The following NPHP4 variants were observed in gnomAD, a reference collection of about 807,000 sequenced individuals.
The protein encoded by NPHP4 is nephrocystin 4, also known as nephrocystin-4.
NPHP4 carries 151 observed loss-of-function variants against 155.8 expected under a neutral mutation model. The observed-to-expected ratio is 0.97, with a 90% CI of 0.85 to 1.11. The LOEUF (loss-of-function observed/expected upper bound fraction) is 1.11, where lower values mean the gene tolerates loss of function less well. Ranked by LOEUF, NPHP4 falls within the 50% of genes least tolerant of loss-of-function variation. The pLI, the probability that NPHP4 is intolerant of heterozygous loss-of-function variation, is 0.00. For missense variants in NPHP4, 1,956 were observed against 1,925.7 expected (o/e 1.02, Z -0.29); for synonymous variants, 845 against 816.8 (o/e 1.03, Z -0.59).
intron 18 of NPHP4, among the ~76,000 whole-genome samples, chr1:5,884,936 A>G (rs1643649152): frequency 6.9e-6 from 1 of 145,954 alleles, no homozygotes; most frequent in African/African-American, 2.6e-5. Context: ...TCGACAACCA[A>G]GATCACTGCC....
At chr1:5,878,215 C>T (rs553613427) in intron 19 of NPHP4, among the ~76,000 whole-genome samples, 1 of 152,332 alleles carries the variant, frequency 6.6e-6, no homozygotes, top group African/African-American at 2.4e-5. Context: ...GGCATGGGCA[C>T]CCCCTGCAGA....
intron 2 of NPHP4, among the ~76,000 whole-genome samples, chr1:5,985,515 CAGGCTGAA>C (rs926973883): frequency 6.6e-6 from 1 of 152,266 alleles, no homozygotes; most frequent in Non-Finnish European, 1.5e-5. Context: ...TCCTCACTGC[CAGGCTGAA>C]AGCGGGCCAT....
intron 9 of NPHP4, among the ~76,000 whole-genome samples, chr1:5,935,217 A>G (rs1433849980): frequency 1.3e-5 from 2 of 152,214 alleles, no homozygotes; most frequent in Non-Finnish European, 2.9e-5. Context: ...CTTGTTTCAC[A>G]TTAATCTCTT....
intron 26 of NPHP4, 91 bp from the exon 27 acceptor site, chr1:5,865,364 G>T: frequency 8.4e-7 from 1 of 1,197,172 alleles, no homozygotes; most frequent in Non-Finnish European, 1.1e-6. Flanking sequence ...AGCGTGGGCA[G>T]ACAGGAGGCT....
At chr1:5,885,609 C>T (rs1228116805) in intron 18 of NPHP4, among the ~76,000 whole-genome samples, 3 of 152,260 alleles carry the variant, frequency 2.0e-5, no homozygotes, top group Non-Finnish European at 4.4e-5. Context: ...ATGTCCCCAG[C>T]CATGGCACAG....
At chr1:5,872,240 A>C (rs549164762) in intron 23 of NPHP4, among the ~76,000 whole-genome samples, 1 of 152,354 alleles carries the variant, frequency 6.6e-6, no homozygotes, top group African/African-American at 2.4e-5. Context: ...ATTGGCACAG[A>C]AACCTCGACC....
rs546994949 is a variant in NPHP4 at position 5,893,405 on chromosome 1, C to T, written c.2144-2377G>A. Reference sequence around the variant, plus strand: ...TCATCTCCAATGATAGGTAAGGTCACGCGGGTCACGTGTCCACTGGACAGG... The same window carrying T: ...TCATCTCCAATGATAGGTAAGGTCATGCGGGTCACGTGTCCACTGGACAGG... On this transcript the variant is annotated intron_variant, in intron 16 of 29. Transcript: ENST00000378156. 3.7e-3 allele frequency among the ~76,000 whole-genome samples: 570 copies of T among 152,254 alleles called. 2 individuals are homozygous for T. Among genetic ancestry groups the T allele is most frequent in the African/African-American group, 0.012 (513 of 41,532 alleles).
Position 5,905,138 on chromosome 1 carries a change from G to C in NPHP4, c.1955+154C>G, listed in dbSNP as rs1205320708. Among the ~76,000 whole-genome samples, 2 of 152,078 alleles carry C rather than the reference G, an allele frequency of 1.3e-5. No homozygotes were observed. The highest frequency in any genetic ancestry group is 4.8e-5 in the African/African-American group (2 of 41,400). On this transcript the variant is annotated intron_variant, in intron 15 of 29. Coordinates refer to ENST00000378156, the MANE Select transcript of NPHP4 (RefSeq NM_015102.5). This position sits in a 1 kb window ranked among gnomAD's most constrained non-coding sequence, Gnocchi z 4.0. The stretch of plus-strand genomic sequence containing the variant: ...CACAGCATTTAGCATGCTGTGGGTG[G>C]GTCCTAGCCAAGAGAAGATAAAAAC...
intron 19 of NPHP4, among the ~76,000 whole-genome samples, chr1:5,879,901 A>G (rs1430873913): frequency 6.7e-6 from 1 of 150,050 alleles, no homozygotes; most frequent in African/African-American, 2.5e-5. Context: ...ACGTGCACAC[A>G]TGCAGCCTTC....
At chr1:5,870,305 A>G (rs940868230) in intron 23 of NPHP4, among the ~76,000 whole-genome samples, 1 of 152,212 alleles carries the variant, frequency 6.6e-6, no homozygotes, top group Admixed American at 6.5e-5. Flanking sequence ...CACGAATATG[A>G]GCAACAAAAT....
chr1:5,934,182 G>A (rs754223004), intron 9 of NPHP4, among the ~76,000 whole-genome samples: 2 of 152,100 alleles, frequency 1.3e-5, no homozygotes, highest in Non-Finnish European at 2.9e-5. Context: ...CTGAACCAAG[G>A]CCCTGCCTGC....
intron 16 of NPHP4, among the ~76,000 whole-genome samples, chr1:5,893,239 A>G (rs1644228359): frequency 6.6e-6 from 1 of 152,196 alleles, no homozygotes; most frequent in Admixed American, 6.5e-5. Context: ...TAAAGACACA[A>G]GACAAAGAGA....
chr1:5,975,201 C>T (rs1315623766), intron 3 of NPHP4, among the ~76,000 whole-genome samples: 1 of 152,206 alleles, frequency 6.6e-6, no homozygotes, highest in Non-Finnish European at 1.5e-5. Flanking sequence ...GATGTGCACA[C>T]ATGTTTGCAC....
Position 5,952,828 on chromosome 1 carries a change from G to A in NPHP4, c.682C>T (p.Leu228Phe). The A allele has an allele frequency of 6.9e-6, 11 of 1,600,706 alleles. No homozygotes were observed. Among genetic ancestry groups the A allele is most frequent in the Non-Finnish European group, 9.4e-6 (11 of 1,173,848 alleles). ...GGCTTCTGGAGGCGAGGCTTTCGGA[G>A]AGCGTCGCCTGAAACAGTGAGGGTG... Reference protein sequence around the residue: ...LPAHGESGDALRKPRLQKPIT... With the variant: ...LPAHGESGDAFRKPRLQKPIT... Residue 228 changes from leucine (L) to phenylalanine (F), a missense_variant, in exon 7 of 30, where the codon CTC becomes TTC. Physicochemically the swap from Leu to Phe is conservative, Grantham distance 22. Transcript: ENST00000378156.
intron 12 of NPHP4, 70 bp downstream of exon 12, chr1:5,909,082 G>T: frequency 7.8e-7 from 1 of 1,274,954 alleles, no homozygotes; most frequent in Non-Finnish European, 1.1e-6. Context: ...GCTTAAGGGG[G>T]GACAGAGGGT....
intron 17 of NPHP4, 111 bp from the exon 18 acceptor site, chr1:5,887,577 G>C (rs1328002813): frequency 1.7e-6 from 2 of 1,178,586 alleles, no homozygotes; most frequent in African/African-American, 3.0e-5. Context: ...CTGTGGGCGG[G>C]AGGGGGTGTG....
At position 5,882,781 on chromosome 1, in the gene NPHP4, G is replaced by A. The variant is rs1054857972; in HGVS notation, c.2486-2542C>T. 1.3e-5 allele frequency: 2 copies of A among 152,508 alleles called. No homozygotes were observed. Among genetic ancestry groups the A allele is most frequent in the Non-Finnish European group, 2.9e-5 (2 of 68,296 alleles). 9.4% of individuals were successfully genotyped at this position (152,508 alleles called of 1,614,324 possible). On this transcript the variant is annotated intron_variant, in intron 18 of 29. Transcript: ENST00000378156. The surrounding 1 kb of genome is among the most constrained non-coding windows in gnomAD (Gnocchi z 5.1). The stretch of plus-strand genomic sequence containing the variant: ...CCTCTGCTCCCACATGCTTCGCAGG[G>A]GTCTCCAGCTTCCCCTCAAGTTAAA...
intron 3 of NPHP4, among the ~76,000 whole-genome samples, chr1:5,975,906 T>C (rs1169977193): frequency 6.6e-6 from 1 of 151,280 alleles, no homozygotes; most frequent in East Asian, 2.0e-4. Flanking sequence ...GCCCAGAGAG[T>C]AGGGAGATGG....
chr1:5,941,289 CAAAA>C (rs66676950), intron 9 of NPHP4, among the ~76,000 whole-genome samples: 2 of 44,776 alleles, frequency 4.5e-5, no homozygotes, highest in Admixed American at 6.5e-4. Flanking sequence ...GAGATCTAGA[CAAAA>C]AAAAAAAAAA....
Sources: gnomAD v4.1 joint callset for allele counts (sites outside exome capture counted in the v4.1 genomes callset) on GRCh38, gnomAD v4.1.1 for gene constraint, Gnocchi (gnomAD v3.1) non-coding constraint, MANE v1.5 for transcripts, NCBI Gene and HGNC (gene_info 2026-07-23, HGNC 2026-07-21) for gene names.